Variants in DLG2 observed in about 807,000 individuals in gnomAD.
DLG2 encodes discs large MAGUK scaffold protein 2.
Under a neutral mutation model 132.5 loss-of-function variants are expected in DLG2, and 45 were observed. The observed-to-expected ratio is 0.34, with a 90% CI of 0.27 to 0.44. DLG2 has a LOEUF of 0.44. DLG2 is among the 20% of genes least tolerant of loss of function. The pLI, the probability that DLG2 is intolerant of heterozygous loss-of-function variation, is 1.00. For synonymous variants in DLG2, 424 were observed against 419.6 expected (o/e 1.01, Z -0.13); for missense variants, 1,045 against 1,196.9 (o/e 0.87, Z 1.87).
At chr11:84,721,868 A>G (rs1374364559) in intron 6 of DLG2, among the ~76,000 whole-genome samples, 1 of 152,244 alleles carries the variant, frequency 6.6e-6, no homozygotes, top group Non-Finnish European at 1.5e-5. Flanking sequence ...GGAAGACTAG[A>G]CAGATATACT....
chr11:84,582,315 T>A (rs1159236815), intron 6 of DLG2, among the ~76,000 whole-genome samples: 1 of 150,628 alleles, frequency 6.6e-6, no homozygotes, highest in Non-Finnish European at 1.5e-5. Context: ...ATATATATAT[T>A]TTAACTTAAA....
At chr11:84,339,896 A>C (rs2154405447) in intron 7 of DLG2, among the ~76,000 whole-genome samples, 1 of 152,340 alleles carries the variant, frequency 6.6e-6, no homozygotes, top group East Asian at 1.9e-4. Context: ...AAAAATAATC[A>C]TGACGACTTT....
At chr11:85,169,966 A>C (rs572154917) in intron 4 of DLG2, among the ~76,000 whole-genome samples, 1 of 152,250 alleles carries the variant, frequency 6.6e-6, no homozygotes, top group Non-Finnish European at 1.5e-5. Context: ...AAACACATAC[A>C]TGTATCTTAT....
At chr11:84,990,488 G>C (rs1167717224) in intron 6 of DLG2, among the ~76,000 whole-genome samples, 1 of 152,028 alleles carries the variant, frequency 6.6e-6, no homozygotes, top group African/African-American at 2.4e-5. Flanking sequence ...GCCTTCATCG[G>C]ACACCAAATC....
At chr11:84,136,567 C>T (rs1945822) in intron 9 of DLG2, among the ~76,000 whole-genome samples, 98,836 of 151,756 alleles carry the variant, frequency 0.65, 34,408 homozygotes, top group Middle Eastern at 0.8. Context: ...TTCATAGACT[C>T]GAGAAGGACA....
intron 6 of DLG2, among the ~76,000 whole-genome samples, chr11:84,842,118 C>G (rs2080774960): frequency 6.6e-6 from 1 of 151,974 alleles, no homozygotes; most frequent in South Asian, 2.1e-4. Flanking sequence ...ACCTATCAAT[C>G]TTGCTAGATT....
At chr11:85,611,842 A>G (rs2153274653) in intron 2 of DLG2, among the ~76,000 whole-genome samples, 1 of 152,318 alleles carries the variant, frequency 6.6e-6, no homozygotes, top group South Asian at 2.1e-4. Flanking sequence ...GCAGTCTTAC[A>G]CTGTCGAAGC....
intron 6 of DLG2, among the ~76,000 whole-genome samples, chr11:84,872,194 A>G (rs1157537090): frequency 6.6e-6 from 1 of 152,216 alleles, no homozygotes; most frequent in African/African-American, 2.4e-5. Context: ...GCATGTGTTC[A>G]GATTTGCTTT....
chr11:85,345,157 G>A (rs183471915), intron 3 of DLG2, among the ~76,000 whole-genome samples: 156 of 152,056 alleles, frequency 1.0e-3, no homozygotes, highest in South Asian at 2.1e-3. Context: ...TTATGCACAC[G>A]GTCTCTTCAT....
At chr11:83,681,785 G>A (rs1407136319) in intron 18 of DLG2, 1 of 152,176 alleles carries the variant, frequency 6.6e-6, no homozygotes, top group Non-Finnish European at 1.5e-5. Flanking sequence ...GATTGCTGAG[G>A]AGAGTGAATT....
At chr11:83,967,643 T>C (rs974244968) in intron 12 of DLG2, among the ~76,000 whole-genome samples, 7 of 152,160 alleles carry the variant, frequency 4.6e-5, no homozygotes, top group African/African-American at 1.7e-4. Context: ...TAACCTATCA[T>C]CAGATATATG....
intron 6 of DLG2, among the ~76,000 whole-genome samples, chr11:84,704,460 T>G (rs949139517): frequency 6.6e-6 from 1 of 151,542 alleles, no homozygotes; most frequent in Non-Finnish European, 1.5e-5. Context: ...TAATTTCTCA[T>G]TAATATAATG....
rs2089528256 is a variant in DLG2, at chr11:83,459,778, T to C, written c.*40A>G. On this transcript the variant is annotated 3_prime_UTR_variant, in exon 28 of 28. Coordinates refer to ENST00000376104, the MANE Select transcript of DLG2 (RefSeq NM_001142699.3). The stretch of plus-strand genomic sequence containing the variant: ...GTATGTTATATATATTTTGTTCTTC[T>C]AAATGCTCTTCTGTCGTTGTCAGAG... 4 of 1,099,436 alleles carry C rather than the reference T, an allele frequency of 3.6e-6. No homozygotes were observed. In the Admixed American group the frequency reaches 6.9e-5, roughly 19 times the overall value. The allele number at this position is 1,099,436 out of a possible 1,614,324, so 68.1% of individuals were successfully genotyped here.
At chr11:84,620,744 G>C (rs562326843) in intron 6 of DLG2, among the ~76,000 whole-genome samples, 2 of 151,952 alleles carry the variant, frequency 1.3e-5, no homozygotes, top group Non-Finnish European at 2.9e-5. Flanking sequence ...ACTCTTAAAC[G>C]CTTCTAGTAG....
chr11:84,272,239 A>G (rs1296118821), intron 7 of DLG2: 2 of 409,796 alleles, frequency 4.9e-6, no homozygotes, highest in East Asian at 1.5e-4. Flanking sequence ...AGGGAAAAAT[A>G]TGATGGCATC....
Position 83,469,182 on chromosome 11 carries a change from A to G in DLG2, c.2619+19T>C. ...AGAAACCTTCTTCAGGGGAGGTGTA[A>G]GAAGATTGGTGAACATACTCTTTCT... On this transcript the variant is annotated intron_variant, in intron 25 of 27. Transcript: ENST00000376104. 1.3e-6 allele frequency: 2 copies of G among 1,575,210 alleles called. No individual in the cohort carries two copies. Among genetic ancestry groups the G allele is most frequent in the Middle Eastern group, 1.7e-4 (1 of 5,858 alleles).
intron 6 of DLG2, chr11:84,640,400 A>C (rs2099656395): frequency 2.5e-6 from 1 of 398,414 alleles, no homozygotes; most frequent in South Asian, 2.5e-5. Flanking sequence ...TGGTATCTCA[A>C]GCCCAGAACG....
At chr11:84,660,533 C>T (rs971547098) in intron 6 of DLG2, among the ~76,000 whole-genome samples, 4 of 151,992 alleles carry the variant, frequency 2.6e-5, no homozygotes, top group African/African-American at 9.7e-5. Context: ...ATGGGCAGAC[C>T]AACCTGACCC....
intron 3 of DLG2, among the ~76,000 whole-genome samples, chr11:85,475,582 C>T (rs997435521): frequency 6.6e-6 from 1 of 152,008 alleles, no homozygotes; most frequent in African/African-American, 2.4e-5. Context: ...TAAAGAGAAA[C>T]TAACAAAATT....
Sources: allele counts gnomAD v4.1 joint callset (sites outside exome capture counted in the v4.1 genomes callset), GRCh38; gene constraint gnomAD v4.1.1; transcripts MANE v1.5; gene names NCBI Gene and HGNC (gene_info 2026-07-23, HGNC 2026-07-21).